The following TMEM132B variants were observed in gnomAD, a reference collection of about 807,000 sequenced individuals.
TMEM132B encodes transmembrane protein 132B.
A neutral mutation model predicts 90.8 loss-of-function variants in TMEM132B; 18 were observed. That is an observed-to-expected ratio of 0.20 (90% CI 0.14 to 0.29). TMEM132B has a LOEUF of 0.29. Among genes scored for constraint, TMEM132B ranks in the 10% least tolerant of loss-of-function variants. The pLI is 1.00. For synonymous variants in TMEM132B, 504 were observed against 523.3 expected (o/e 0.96, Z 0.50); for missense variants, 1,096 against 1,326.8 (o/e 0.83, Z 2.70).
At position 125,187,072 on chromosome 12, in the gene TMEM132B, C is replaced by T. The variant is rs544318300; in HGVS notation, c.67+206C>T. ...AGCCCGCCTGCCTTCTCCCCCAAAC[C>T]CTTAGCTTCCTTGCGGATCCTTTCG... On this transcript the variant is annotated intron_variant, in intron 1 of 8. Transcript: ENST00000682704. 1.5e-4 allele frequency among the ~76,000 whole-genome samples: 23 copies of T among 152,294 alleles called. 1 individual carries two copies. The South Asian group carries it at 4.6e-3, about 30-fold the overall frequency.
At chr12:125,553,434 C>T (rs1017141115) in intron 4 of TMEM132B, among the ~76,000 whole-genome samples, 12 of 152,168 alleles carry the variant, frequency 7.9e-5, no homozygotes, top group Admixed American at 4.6e-4. Context: ...GTGGCAAGTG[C>T]GCTACCAGGC....
rs1388882470 is a variant in TMEM132B at position 125,382,145 on chromosome 12, CTGTT to C, written c.959+31805_959+31808del. 2.0e-5 allele frequency among the ~76,000 whole-genome samples: 3 copies of C among 152,288 alleles called. No homozygotes were observed. The East Asian group carries it at 5.8e-4, about 29-fold the overall frequency. On this transcript the variant is annotated intron_variant, in intron 2 of 8. Transcript: ENST00000682704. ...AACTCTAACTTACATTCTTCCTTGA[CTGTT>C]TGGCATTTTAGGTTACTATCACATG... is the stretch of plus-strand genomic sequence containing the variant.
intron 4 of TMEM132B, among the ~76,000 whole-genome samples, chr12:125,574,708 A>T (rs2158524): frequency 0.92 from 139,569 of 151,996 alleles, 64,090 homozygotes; most frequent in Middle Eastern, 0.97. Context: ...CAGCGGGTCA[A>T]AAAGGGTGTT....
intron 5 of TMEM132B, chr12:125,587,207 T>TTGTGTGTG (rs56061189): frequency 3.5e-5 from 5 of 141,434 alleles, no homozygotes; most frequent in Non-Finnish European, 7.5e-5. Flanking sequence ...AAGTAGAGGA[T>TTGTGTGTG]TGTGTGTGTG....
chr12:125,603,891 A>G (rs879133950), intron 5 of TMEM132B, among the ~76,000 whole-genome samples: 2 of 150,700 alleles, frequency 1.3e-5, no homozygotes, highest in African/African-American at 2.4e-5. Context: ...CAAAACCACA[A>G]TGAGATACCA....
At chr12:125,282,466 A>G (rs574205080) in intron 1 of TMEM132B, among the ~76,000 whole-genome samples, 214 of 152,264 alleles carry the variant, frequency 1.4e-3, no homozygotes, top group Non-Finnish European at 2.6e-3. Context: ...CTGACTTCTC[A>G]TAACACTCTC....
chr12:125,270,112 TTGTGTGTGTGTG>T (rs59168219), intron 1 of TMEM132B, among the ~76,000 whole-genome samples: 15 of 143,248 alleles, frequency 1.0e-4, no homozygotes, highest in Middle Eastern at 3.5e-3. Flanking sequence ...CACATCTTTG[TTGTGTGTGTGTG>T]TGTGTGTGTG....
At chr12:125,285,980 CAG>C (rs1406191415) in intron 1 of TMEM132B, among the ~76,000 whole-genome samples, 1 of 152,218 alleles carries the variant, frequency 6.6e-6, no homozygotes, top group Non-Finnish European at 1.5e-5. Context: ...GCATTTCACT[CAG>C]GGCCTATTTA....
rs140554146 is a variant in TMEM132B at position 125,253,591 on chromosome 12, C to T, written c.67+66725C>T. Among the ~76,000 whole-genome samples, 603 of 152,132 alleles carry T rather than the reference C, an allele frequency of 4.0e-3. 8 individuals carry two copies. The highest frequency in any genetic ancestry group is 3.1e-3 in the Non-Finnish European group (214 of 67,988). ...CTGAGACTACAGGTGTGTACCACCACGCCCAGCTAATCTTTGTTTTTGGGC... is the reference window on the plus strand; with the variant it reads ...CTGAGACTACAGGTGTGTACCACCATGCCCAGCTAATCTTTGTTTTTGGGC... On this transcript the variant is annotated intron_variant, in intron 1 of 8. Coordinates refer to ENST00000682704, the MANE Select transcript of TMEM132B (RefSeq NM_001366854.1).
intron 3 of TMEM132B, among the ~76,000 whole-genome samples, chr12:125,480,749 A>C (rs1353351744): frequency 6.6e-6 from 1 of 152,218 alleles, no homozygotes; most frequent in Non-Finnish European, 1.5e-5. Flanking sequence ...ATCCTCCCTA[A>C]CTCATTTTAT....
intron 1 of TMEM132B, among the ~76,000 whole-genome samples, chr12:125,343,787 A>G (rs1315379615): frequency 6.6e-6 from 1 of 152,144 alleles, no homozygotes; most frequent in Non-Finnish European, 1.5e-5. Context: ...TGAGAATTGC[A>G]GCTCTTTGGT....
chr12:125,496,614 C>A (rs561881016), intron 3 of TMEM132B, among the ~76,000 whole-genome samples: 1 of 152,090 alleles, frequency 6.6e-6, no homozygotes, highest in Non-Finnish European at 1.5e-5. Context: ...GAGGCAAATG[C>A]GGTGCATTGG....
chr12:125,189,607 C>T (rs1565971048), intron 1 of TMEM132B, among the ~76,000 whole-genome samples: 2 of 152,092 alleles, frequency 1.3e-5, no homozygotes, highest in Non-Finnish European at 1.5e-5. Flanking sequence ...CAAATGTCGT[C>T]GCCTTCTCCA....
chr12:125,422,993 G>A (rs1328574344), intron 3 of TMEM132B, among the ~76,000 whole-genome samples: 2 of 152,140 alleles, frequency 1.3e-5, no homozygotes, highest in African/African-American at 4.8e-5. Context: ...AGGTTGAGGC[G>A]GCCCAATCCT....
intron 3 of TMEM132B, among the ~76,000 whole-genome samples, chr12:125,515,569 ACT>A (rs1328753792): frequency 7.3e-5 from 11 of 151,322 alleles, no homozygotes; most frequent in African/African-American, 2.7e-4. Context: ...TGTCTCCCAC[ACT>A]CACACACACA....
At chr12:125,326,631 G>T (rs752281695) in intron 1 of TMEM132B, 1 of 1,607,350 alleles carries the variant, frequency 6.2e-7, no homozygotes, top group South Asian at 1.1e-5. Flanking sequence ...GAAATGTTTG[G>T]TGCAGCATCC....
intron 4 of TMEM132B, among the ~76,000 whole-genome samples, chr12:125,552,954 C>T (rs1463896939): frequency 1.3e-5 from 2 of 152,252 alleles, no homozygotes; most frequent in African/African-American, 4.8e-5. Flanking sequence ...CTAAGCATGT[C>T]TAAACACACT....
intron 2 of TMEM132B, among the ~76,000 whole-genome samples, chr12:125,369,914 TG>T (rs1878245113): frequency 6.6e-6 from 1 of 152,140 alleles, no homozygotes; most frequent in Non-Finnish European, 1.5e-5. Flanking sequence ...CCGGGTGTGG[TG>T]GTGGGCACCT....
rs1443798853 is a variant in TMEM132B, at chr12:125,659,286, G to C, written c.*4576G>C. ...CAGATGTCTCAGAAAAAGATCTCCTGTTTCTCATGGCCCCGTCCAGGGTCA... is the reference window on the plus strand; with the variant it reads ...CAGATGTCTCAGAAAAAGATCTCCTCTTTCTCATGGCCCCGTCCAGGGTCA... On this transcript the variant is annotated 3_prime_UTR_variant, in exon 9 of 9. Transcript: ENST00000682704. The C allele has an allele frequency of 6.6e-6, 1 of 152,208 alleles. No homozygotes were observed. The highest frequency in any genetic ancestry group is 1.9e-4 in the East Asian group (1 of 5,196). The allele number at this position is 152,208 out of a possible 1,614,324, so 9.4% of individuals were successfully genotyped here. A position where few individuals can be genotyped will look rare whatever the true frequency, so the allele number is the denominator to read the frequency against.
Sources: allele counts gnomAD v4.1 joint callset (sites outside exome capture counted in the v4.1 genomes callset), GRCh38; gene constraint gnomAD v4.1.1; transcripts MANE v1.5; gene names NCBI Gene and HGNC (gene_info 2026-07-23, HGNC 2026-07-21).